CAMTA1: variants seen among roughly 807,000 people sequenced by gnomAD.
The protein encoded by CAMTA1 is calmodulin-binding transcription activator 1.
Under a neutral mutation model 170.9 loss-of-function variants are expected in CAMTA1, and 27 were observed. That is an observed-to-expected ratio of 0.16 (90% CI 0.12 to 0.22). CAMTA1 has a LOEUF of 0.22. Ranked by LOEUF, CAMTA1 falls within the 10% of genes least tolerant of loss-of-function variation. CAMTA1 has a pLI of 1.00. For synonymous variants in CAMTA1, 833 were observed against 891.5 expected (o/e 0.93, Z 1.17); for missense variants, 1,619 against 2,217.2 (o/e 0.73, Z 5.42).
intron 3 of CAMTA1, among the ~76,000 whole-genome samples, chr1:6,873,028 C>T (rs1005078895): frequency 2.0e-5 from 3 of 152,186 alleles, no homozygotes; most frequent in East Asian, 1.9e-4. Context: ...GGAACTCTCA[C>T]GAACAGTTTT....
intron 11 of CAMTA1, among the ~76,000 whole-genome samples, chr1:7,713,662 C>G (rs1173155692): frequency 2.0e-5 from 3 of 152,044 alleles, no homozygotes; most frequent in South Asian, 4.1e-4. Context: ...AGAATGCAAC[C>G]TAGGAAATGC....
intron 4 of CAMTA1, among the ~76,000 whole-genome samples, chr1:7,157,385 C>A (rs201892868): frequency 7.8e-5 from 11 of 141,720 alleles, no homozygotes; most frequent in South Asian, 4.5e-4. Flanking sequence ...AAACAAAAAA[C>A]AAAAAAAAAT....
Position 7,230,971 on chromosome 1 carries a change from C to A in CAMTA1, c.303-18520C>A, listed in dbSNP as rs117340665. Reference sequence around the variant, plus strand: ...GAGGGAACCAGTGTACAGAGGGACCCCCCAGGAGCCTGGAGGGTGTGGCAG... The same window carrying A: ...GAGGGAACCAGTGTACAGAGGGACCACCCAGGAGCCTGGAGGGTGTGGCAG... On this transcript the variant is annotated intron_variant, in intron 4 of 22. Transcript: ENST00000303635. 5.7e-4 allele frequency among the ~76,000 whole-genome samples: 86 copies of A among 152,176 alleles called. 4 individuals are homozygous for A. The East Asian group carries it at 0.016, about 29-fold the overall frequency.
At chr1:6,888,236 G>A in intron 3 of CAMTA1, 1 of 986,008 alleles carries the variant, frequency 1.0e-6, no homozygotes, top group Non-Finnish European at 1.2e-6. Flanking sequence ...CTTTCTGAAT[G>A]TTTTTCCTTT....
At chr1:6,991,651 T>C (rs1374850194) in intron 3 of CAMTA1, among the ~76,000 whole-genome samples, 1 of 152,216 alleles carries the variant, frequency 6.6e-6, no homozygotes, top group African/African-American at 2.4e-5. Context: ...TATTTTCTCT[T>C]AGAATGTGGC....
At chr1:7,347,512 A>G (rs1399056042) in intron 5 of CAMTA1, among the ~76,000 whole-genome samples, 1 of 152,252 alleles carries the variant, frequency 6.6e-6, no homozygotes, top group Non-Finnish European at 1.5e-5. Flanking sequence ...CCTCGCTTGC[A>G]GGGAGCTAAG....
chr1:7,223,146 TCCACCCACCCACCCAC>T (rs60971040), intron 4 of CAMTA1, among the ~76,000 whole-genome samples: 48 of 130,966 alleles, frequency 3.7e-4, no homozygotes, highest in East Asian at 2.4e-4. Context: ...TACCTGTTGA[TCCACCCACCCACCCAC>T]CCACCCACCC....
At chr1:6,952,178 C>G (rs1404161418) in intron 3 of CAMTA1, among the ~76,000 whole-genome samples, 2 of 152,152 alleles carry the variant, frequency 1.3e-5, no homozygotes, top group Admixed American at 1.3e-4. Context: ...CGCCTGTAAT[C>G]CCAGCACTTT....
chr1:7,592,479 C>T lies in CAMTA1; in HGVS notation c.511-47921C>T, dbSNP rs549480301. Among the ~76,000 whole-genome samples the T allele has an allele frequency of 6.6e-6, 1 of 152,234 alleles. No individual in the cohort carries two copies. Among genetic ancestry groups the T allele is most frequent in the Admixed American group, 6.5e-5 (1 of 15,298 alleles). On this transcript the variant is annotated intron_variant, in intron 6 of 22. Coordinates refer to ENST00000303635, the MANE Select transcript of CAMTA1 (RefSeq NM_015215.4). This position sits in a 1 kb window ranked among gnomAD's most constrained non-coding sequence, Gnocchi z 4.6. ...TGGAGTGATTGAATTGGTGATGATT[C>T]CAAGCATGAGACATAGGTAGGGTCC...
intron 4 of CAMTA1, among the ~76,000 whole-genome samples, chr1:7,097,890 C>T (rs997625211): frequency 4.6e-5 from 7 of 152,100 alleles, no homozygotes; most frequent in African/African-American, 1.4e-4. Flanking sequence ...ATGGGTACAG[C>T]GTTTCAGCTG....
intron 1 of CAMTA1, among the ~76,000 whole-genome samples, chr1:6,813,537 CAAAT>C (rs1490938116): frequency 6.7e-6 from 1 of 149,930 alleles, no homozygotes; most frequent in Non-Finnish European, 1.5e-5. Context: ...CTTGATTTCT[CAAAT>C]GAATAGAGGG....
At chr1:7,233,238 T>C (rs1663168613) in intron 4 of CAMTA1, among the ~76,000 whole-genome samples, 1 of 152,086 alleles carries the variant, frequency 6.6e-6, no homozygotes, top group Non-Finnish European at 1.5e-5. Flanking sequence ...ATATGACAAG[T>C]GAGGGGCCAC....
At chr1:6,929,015 A>T (rs930425619) in intron 3 of CAMTA1, among the ~76,000 whole-genome samples, 8 of 152,024 alleles carry the variant, frequency 5.3e-5, no homozygotes, top group African/African-American at 1.9e-4. Flanking sequence ...TTTTATTATT[A>T]TTTTTTTAAA....
chr1:7,588,050 C>T lies in CAMTA1; in HGVS notation c.511-52350C>T, dbSNP rs1179999122. On this transcript the variant is annotated intron_variant, in intron 6 of 22. Transcript: ENST00000303635. This position sits in a 1 kb window ranked among gnomAD's most constrained non-coding sequence, Gnocchi z 5.8. The stretch of plus-strand genomic sequence containing the variant: ...TCGTTCAAGTGCGTGTGGCAGCCTC[C>T]ACCGTGCAGGTGGGCACTGGGCTGG... 6.6e-6 allele frequency among the ~76,000 whole-genome samples: 1 copy of T among 152,146 alleles called. No homozygotes were observed. The highest frequency in any genetic ancestry group is 2.4e-5 in the African/African-American group (1 of 41,370).
At chr1:7,177,573 A>G (rs1239339424) in intron 4 of CAMTA1, among the ~76,000 whole-genome samples, 1 of 134,926 alleles carries the variant, frequency 7.4e-6, no homozygotes, top group Non-Finnish European at 1.6e-5. Context: ...CCTCCAGTGC[A>G]TCAAAACTCT....
intron 5 of CAMTA1, among the ~76,000 whole-genome samples, chr1:7,438,979 G>A (rs992344658): frequency 2.0e-5 from 3 of 152,194 alleles, no homozygotes; most frequent in African/African-American, 4.8e-5. Flanking sequence ...TCACGGAGCC[G>A]CCTCTCATCA....
chr1:7,339,614 GT>G (rs951774993), intron 5 of CAMTA1, among the ~76,000 whole-genome samples: 60 of 152,044 alleles, frequency 3.9e-4, no homozygotes, highest in African/African-American at 1.4e-3. Context: ...TTTTGTTTTT[GT>G]TTTTGAGAAA....
intron 3 of CAMTA1, among the ~76,000 whole-genome samples, chr1:6,902,072 C>CACACACAAAA (rs3986505): frequency 6.7e-4 from 59 of 88,476 alleles, no homozygotes; most frequent in African/African-American, 9.3e-4. Context: ...CACACACACA[C>CACACACAAAA]AAAAAAAAAA....
intron 4 of CAMTA1, among the ~76,000 whole-genome samples, chr1:7,171,518 C>G (rs544957094): frequency 1.3e-5 from 2 of 152,180 alleles, no homozygotes; most frequent in African/African-American, 4.8e-5. Context: ...ATTTATTGGA[C>G]TGAAATAGTT....
Sources: allele counts gnomAD v4.1 joint callset (sites outside exome capture counted in the v4.1 genomes callset), GRCh38; gene constraint gnomAD v4.1.1; non-coding constraint Gnocchi (gnomAD v3.1); transcripts MANE v1.5; gene names NCBI Gene and HGNC (gene_info 2026-07-23, HGNC 2026-07-21).